The following TRAF4 variants were observed in gnomAD, a reference collection of about 807,000 sequenced individuals.
The protein encoded by TRAF4 is TNF receptor associated factor 4.
In TRAF4, 9 loss-of-function variants were observed where a neutral mutation model predicts 47.3. The observed-to-expected ratio is 0.19, with a 90% CI of 0.11 to 0.33. The LOEUF (loss-of-function observed/expected upper bound fraction) is 0.33. Ranked by LOEUF, TRAF4 falls within the 10% of genes least tolerant of loss-of-function variation. The probability of loss-of-function intolerance (pLI) is 1.00; values close to 1 mark genes in which losing one functional copy is unlikely to be tolerated. For synonymous variants in TRAF4, 236 were observed against 236.9 expected, an observed-to-expected ratio of 1.00 and a Z score of 0.04; for missense variants, 448 against 620.3, an observed-to-expected ratio of 0.72 and a Z score of 2.95.
intron 1 of TRAF4, chr17:28,746,881 G>A (rs35893948): frequency 4.5e-5 from 11 of 245,738 alleles, no homozygotes; most frequent in Non-Finnish European, 7.0e-5. Context: ...ACTAACCTAG[G>A]GGGAGGGGGT....
chr17:28,750,171 C>A lies in TRAF4; in HGVS notation c.*594C>A. ...AAGAAAGGACCAGTCAGAGAAGGGC[C>A]GCTGCCTGGGTCTGGCCCCAGGATC... On this transcript the variant is annotated 3_prime_UTR_variant, in exon 7 of 7. Transcript: ENST00000262395. 1 of 436,338 alleles carries A rather than the reference C, an allele frequency of 2.3e-6. No homozygotes were observed. The highest frequency in any genetic ancestry group is 4.1e-6 in the Non-Finnish European group (1 of 243,994). The allele number at this position is 436,338 out of a possible 1,614,324, so 27.0% of individuals were successfully genotyped here. A position where few individuals can be genotyped will look rare whatever the true frequency, so the allele number is the denominator to read the frequency against.
rs35739193 is a variant in TRAF4 at position 28,744,111 on chromosome 17, C to T, written c.-2C>T. ...CTCGCCCGTGCCGGCCGCTCGCCCG[C>T]CATGCCTGGCTTCGACTACAAGTTC... On this transcript the variant is annotated 5_prime_UTR_variant, in exon 1 of 7. Transcript: ENST00000262395. 6.7e-5 allele frequency: 105 copies of T among 1,562,974 alleles called. No individual in the cohort carries two copies. The East Asian group carries it at 2.4e-3, about 36-fold the overall frequency.
In TRAF4 at chr17:28,750,075, T is replaced by C; in HGVS notation, c.*498T>C. 1.7e-6 allele frequency: 1 copy of C among 576,436 alleles called. No homozygotes were observed. Among genetic ancestry groups the C allele is most frequent in the Non-Finnish European group, 3.1e-6 (1 of 323,822 alleles). 35.7% of individuals were successfully genotyped at this position (576,436 alleles called of 1,614,324 possible). Reference sequence around the variant, plus strand: ...TTTTTAATAAATCCGGAATTGTATTTATTAATTTGCTTCCAGCCTGACTTA... The same window carrying C: ...TTTTTAATAAATCCGGAATTGTATTCATTAATTTGCTTCCAGCCTGACTTA... On this transcript the variant is annotated 3_prime_UTR_variant, in exon 7 of 7. Transcript: ENST00000262395.
chr17:28,748,378 G>A lies in TRAF4; in HGVS notation c.579G>A (p.Gln193=). 2.5e-6 allele frequency: 4 copies of A among 1,613,166 alleles called. No individual in the cohort carries two copies. The highest frequency in any genetic ancestry group is 3.4e-6 in the Non-Finnish European group (4 of 1,179,474). ...HATSECPKRT[Q]PCTYCTKEFV... is the part of the protein sequence containing the mutation. ...CCTCTGAGTGCCCCAAGCGCACTCAGCCCTGCACCTACTGCACTAAGGAGT... is the reference window on the plus strand; with the variant it reads ...CCTCTGAGTGCCCCAAGCGCACTCAACCCTGCACCTACTGCACTAAGGAGT... Residue 193 remains glutamine (Q), a synonymous_variant, in exon 5 of 7, where the codon CAG becomes CAA. Coordinates refer to ENST00000262395, the MANE Select transcript of TRAF4 (RefSeq NM_004295.4).
In TRAF4 at chr17:28,749,631, C is replaced by CT. The variant is rs2034571727; in HGVS notation, c.*55dup. ...GATGGGGCATGACCTCAGTCAGGCA[C>CT]TGGCTGAACTTGGAGAGGGGGCCGG... On this transcript the variant is annotated 3_prime_UTR_variant, in exon 7 of 7. Transcript: ENST00000262395. 3 of 1,584,592 alleles carry CT rather than the reference C, an allele frequency of 1.9e-6. No individual in the cohort carries two copies. The East Asian group carries it at 6.7e-5, about 35-fold the overall frequency.
In TRAF4 at chr17:28,750,806, A is replaced by G. The variant is rs777400829; in HGVS notation, c.*1229A>G. 1.3e-5 allele frequency: 2 copies of G among 152,196 alleles called. No individual in the cohort carries two copies. The highest frequency in any genetic ancestry group is 2.9e-5 in the Non-Finnish European group (2 of 68,040). 9.4% of individuals were successfully genotyped at this position (152,196 alleles called of 1,614,324 possible). A position where few individuals can be genotyped will look rare whatever the true frequency, so the allele number is the denominator to read the frequency against. On this transcript the variant is annotated 3_prime_UTR_variant, in exon 7 of 7. Coordinates refer to ENST00000262395, the MANE Select transcript of TRAF4 (RefSeq NM_004295.4). ...TTTTAAACTCCAGTAGTCCCTAGAA[A>G]TTGTAGCTCCCTCTAGTTGTGGCAA...
chr17:28,750,001 T>C lies in TRAF4; in HGVS notation c.*424T>C. The C allele has an allele frequency of 1.6e-6, 1 of 625,480 alleles. No individual in the cohort carries two copies. Among genetic ancestry groups the C allele is most frequent in the East Asian group, 2.8e-5 (1 of 36,252 alleles). The allele number at this position is 625,480 out of a possible 1,614,324, so 38.7% of individuals were successfully genotyped here. ...CCCCTTTACCTAGCTGTGCCCCCTC[T>C]GGTTATTTATTTCCTTAGTGCCAGG... On this transcript the variant is annotated 3_prime_UTR_variant, in exon 7 of 7. Coordinates refer to ENST00000262395, the MANE Select transcript of TRAF4 (RefSeq NM_004295.4).
chr17:28,747,727 C>T (rs1022849042), intron 2 of TRAF4, 116 bp from the exon 3 acceptor site: 2 of 964,770 alleles, frequency 2.1e-6, no homozygotes, highest in East Asian at 2.6e-5. Flanking sequence ...GGGCAAAGAG[C>T]CCAAGAGAGG....
Position 28,748,599 on chromosome 17 carries a change from A to G in TRAF4, c.713A>G (p.His238Arg), listed in dbSNP as rs756642635. ...GTGGCTCGGGAGGACCTGCCAGGCC[A>G]TCTGAAGGACAGCTGTAACACCGCC... is the stretch of plus-strand genomic sequence containing the variant. Reference protein sequence around the residue: ...GTVAREDLPGHLKDSCNTALV... With the variant: ...GTVAREDLPGRLKDSCNTALV... Residue 238 changes from histidine to arginine, a missense_variant, in exon 6 of 7, where the codon CAT (histidine) becomes CGT (arginine). Coordinates refer to ENST00000262395, the MANE Select transcript of TRAF4 (RefSeq NM_004295.4). The G allele has an allele frequency of 6.2e-7, 1 of 1,613,330 alleles. No homozygotes were observed.
Position 28,748,097 on chromosome 17 carries a change from T to C in TRAF4, c.381T>C (p.Pro127=). ...CPMKLSRRDL[P]AHLQHDCPKR... is the part of the protein sequence containing the mutation. ...TGAAGCTGAGCCGCCGTGATCTACCTGCACACTTGCAGCATGACTGCCCCA... is the reference window on the plus strand; with the variant it reads ...TGAAGCTGAGCCGCCGTGATCTACCCGCACACTTGCAGCATGACTGCCCCA... The change falls in exon 4 of 7, where the codon CCT becomes CCC. Residue 127 remains proline, a synonymous_variant. Transcript: ENST00000262395. 6.2e-7 allele frequency: 1 copy of C among 1,614,080 alleles called. No homozygotes were observed.
chr17:28,744,600 TCCCG>T, intron 1 of TRAF4: 1 of 240,310 alleles, frequency 4.2e-6, no homozygotes, highest in Middle Eastern at 1.5e-3. Context: ...CAAAACCCGC[TCCCG>T]CGTGGCAGTT....
At chr17:28,746,788 CCTGGGGA>C (rs2034520010) in intron 1 of TRAF4, 1 of 160,466 alleles carries the variant, frequency 6.2e-6, no homozygotes, top group Non-Finnish European at 1.4e-5. Context: ...AGAGGACCTT[CCTGGGGA>C]CTGGGCAGCC....
At chr17:28,747,090 T>C in intron 1 of TRAF4, 123 bp from the exon 2 acceptor site, 1 of 1,054,496 alleles carries the variant, frequency 9.5e-7, no homozygotes, top group South Asian at 1.6e-5. Context: ...TGCCCTTTTG[T>C]CTCATCTAGG....
At position 28,748,789 on chromosome 17, in the gene TRAF4, C is replaced by T. The variant is rs886327936; in HGVS notation, c.780+123C>T. The T allele has an allele frequency of 1.7e-5, 26 of 1,493,578 alleles. No homozygotes were observed. In the African/African-American group the frequency reaches 1.9e-4, roughly 11 times the overall value. The allele number at this position is 1,493,578 out of a possible 1,614,324, so 92.5% of individuals were successfully genotyped here. On this transcript the variant is annotated intron_variant, in intron 6 of 6. Transcript: ENST00000262395. ...GCTGCTCTGAAACCCTCAGTCCTTC[C>T]CTCTGCTGCCAGCTCCAGCCTCTTC...
chr17:28,747,847 A>C lies in TRAF4; in HGVS notation c.200A>C (p.Tyr67Ser). 6.2e-7 allele frequency: 1 copy of C among 1,612,998 alleles called. No homozygotes were observed. The highest frequency in any genetic ancestry group is 8.5e-7 in the Non-Finnish European group (1 of 1,179,756). ...TTCCCCCATCCCTACCCCCAGATCT[A>C]CCCAGACCCGGAGCTGGAAGTACAA... ...DQLPLDYAKI[Y>S]PDPELEVQVL... is the part of the protein sequence containing the mutation. The change falls in exon 3 of 7, where the codon TAC becomes TCC. Residue 67 changes from tyrosine to serine, a missense_variant. Coordinates refer to ENST00000262395, the MANE Select transcript of TRAF4 (RefSeq NM_004295.4).
chr17:28,750,585 T>A lies in TRAF4; in HGVS notation c.*1008T>A, dbSNP rs1388140602. 6.6e-6 allele frequency: 1 copy of A among 152,182 alleles called. No homozygotes were observed. Among genetic ancestry groups the A allele is most frequent in the East Asian group, 1.9e-4 (1 of 5,194 alleles). The allele number at this position is 152,182 out of a possible 1,614,324, so 9.4% of individuals were successfully genotyped here. ...TTTCTAACTCCGAACCCCAGCCACATCCAGGGACTGGGTGTTGAGCAAAAG... is the reference window on the plus strand; with the variant it reads ...TTTCTAACTCCGAACCCCAGCCACAACCAGGGACTGGGTGTTGAGCAAAAG... On this transcript the variant is annotated 3_prime_UTR_variant, in exon 7 of 7. Coordinates refer to ENST00000262395, the MANE Select transcript of TRAF4 (RefSeq NM_004295.4).
In TRAF4 at chr17:28,750,203, AC is replaced by A; in HGVS notation, c.*628del. 1 of 368,664 alleles carries A rather than the reference AC, an allele frequency of 2.7e-6. No homozygotes were observed. The highest frequency in any genetic ancestry group is 4.9e-6 in the Non-Finnish European group (1 of 202,832). The allele number at this position is 368,664 out of a possible 1,614,324, so 22.8% of individuals were successfully genotyped here. A position where few individuals can be genotyped will look rare whatever the true frequency, so the allele number is the denominator to read the frequency against. ...TGGGTCTGGCCCCAGGATCCAGCTT[AC>A]CTGCTGGCTCGCCCTCTGATGGACG... On this transcript the variant is annotated 3_prime_UTR_variant, in exon 7 of 7. Transcript: ENST00000262395.
intron 6 of TRAF4, 129 bp from the exon 7 acceptor site, chr17:28,748,816 T>C: frequency 6.7e-7 from 1 of 1,481,514 alleles, no homozygotes; most frequent in South Asian, 1.3e-5. Flanking sequence ...AGCCTCTTCC[T>C]AACACCCTCT....
intron 1 of TRAF4, chr17:28,746,934 G>T (rs2034522545): frequency 2.7e-6 from 1 of 370,788 alleles, no homozygotes; most frequent in Non-Finnish European, 4.8e-6. Context: ...TGCCATCCTG[G>T]GGGAGGGGGT....
Sources: allele counts gnomAD v4.1 joint callset, GRCh38; gene constraint gnomAD v4.1.1; transcripts MANE v1.5; gene names NCBI Gene and HGNC (gene_info 2026-07-23, HGNC 2026-07-21).